Variants in CDK5RAP2 observed in about 807,000 individuals in gnomAD.
CDK5RAP2 encodes the protein CDK5 regulatory subunit-associated protein 2.
Under a neutral mutation model 232.9 loss-of-function variants are expected in CDK5RAP2, and 147 were observed. The observed-to-expected ratio is 0.63, with a 90% CI of 0.55 to 0.72. CDK5RAP2 has a LOEUF of 0.72. Ranked by LOEUF, CDK5RAP2 falls within the 30% of genes least tolerant of loss-of-function variation. CDK5RAP2 has a pLI of 0.00. For synonymous variants in CDK5RAP2, 833 were observed against 833.7 expected (o/e 1.00, Z 0.01); for missense variants, 2,195 against 2,231.5 (o/e 0.98, Z 0.33).
chr9:120,472,999 G>C (rs1429132241), intron 15 of CDK5RAP2, among the ~76,000 whole-genome samples: 1 of 152,222 alleles, frequency 6.6e-6, no homozygotes, highest in Non-Finnish European at 1.5e-5. Context: ...CGTAAGAACA[G>C]CTTTGGACTC....
intron 21 of CDK5RAP2, 75 bp downstream of exon 21, chr9:120,453,381 G>A: frequency 7.4e-7 from 1 of 1,352,028 alleles, no homozygotes; most frequent in Non-Finnish European, 1.0e-6. Context: ...GAAAAAAGTG[G>A]TGAGATTAAA....
chr9:120,551,996 G>GA (rs1205091167), intron 3 of CDK5RAP2, among the ~76,000 whole-genome samples: 5 of 151,514 alleles, frequency 3.3e-5, no homozygotes, highest in African/African-American at 9.7e-5. Flanking sequence ...AAATTTACAA[G>GA]AAAAAAACAA....
chr9:120,400,814 G>A lies in CDK5RAP2; in HGVS notation c.5379C>T (p.Ala1793=), dbSNP rs2032940570. 1 of 1,614,208 alleles carries A rather than the reference G, an allele frequency of 6.2e-7. No homozygotes were observed. Among genetic ancestry groups the A allele is most frequent in the Non-Finnish European group, 8.5e-7 (1 of 1,180,034 alleles). Reference sequence around the variant, plus strand: ...TCCAGAGAAGCTTCAGCCGCCTGTAGGCCTCTTCCAGGGTCAGCTTGGCCG... The same window carrying A: ...TCCAGAGAAGCTTCAGCCGCCTGTAAGCCTCTTCCAGGGTCAGCTTGGCCG... ...VSTAKLTLEE[A]YRRLKLLWRV... is the part of the protein sequence containing the mutation. The change falls in exon 35 of 38, where the codon GCC becomes GCT. Residue 1793 remains alanine (A), a synonymous_variant. Transcript: ENST00000349780.
Position 120,471,804 on chromosome 9 carries a change from T to G in CDK5RAP2, c.1802A>C (p.Tyr601Ser), listed in dbSNP as rs1273648025. 4 of 1,613,890 alleles carry G rather than the reference T, an allele frequency of 2.5e-6. No individual in the cohort carries two copies. Among genetic ancestry groups the G allele is most frequent in the Non-Finnish European group, 3.4e-6 (4 of 1,179,730 alleles). Residue 601 changes from tyrosine (Y) to serine (S), a missense_variant, in exon 16 of 38, where the codon TAT becomes TCT. Tyr to Ser is a moderately radical substitution (Grantham distance 144). Transcript: ENST00000349780. ...CTCCAAGGTCTTCCGCAAATTCTGA[T>G]ATGAAAGCACATCCTGCTCCAGTTG... ...RKQLEQDVLS[Y>S]QNLRKTLEEQ... is the part of the protein sequence containing the mutation.
intron 32 of CDK5RAP2, chr9:120,406,217 T>C (rs1183900207): frequency 2.0e-4 from 30 of 152,228 alleles, no homozygotes; most frequent in Admixed American, 1.9e-3. Flanking sequence ...TAAAGCAGGC[T>C]GGCATTCCTC....
At chr9:120,489,752 C>G (rs779462585) in intron 13 of CDK5RAP2, among the ~76,000 whole-genome samples, 1 of 150,964 alleles carries the variant, frequency 6.6e-6, no homozygotes, top group Non-Finnish European at 1.5e-5. Flanking sequence ...CTCCTCCTTG[C>G]ATGTTTCTAT....
intron 35 of CDK5RAP2, among the ~76,000 whole-genome samples, chr9:120,395,845 C>T (rs1472061271): frequency 6.6e-6 from 1 of 152,178 alleles, no homozygotes; most frequent in African/African-American, 2.4e-5. Flanking sequence ...ACATTTCTGG[C>T]AAATTAGGTG....
At chr9:120,510,284 C>T (rs1025542810) in intron 12 of CDK5RAP2, among the ~76,000 whole-genome samples, 1 of 152,146 alleles carries the variant, frequency 6.6e-6, no homozygotes, top group Non-Finnish European at 1.5e-5. Flanking sequence ...TGGGCTTTAG[C>T]CAGCAAATGC....
intron 24 of CDK5RAP2, among the ~76,000 whole-genome samples, chr9:120,437,905 G>A (rs1198070399): frequency 1.3e-5 from 2 of 152,222 alleles, no homozygotes; most frequent in African/African-American, 2.4e-5. Context: ...TAAAGAAAGT[G>A]TACCACAAAG....
intron 27 of CDK5RAP2, among the ~76,000 whole-genome samples, chr9:120,419,165 G>A (rs192924225): frequency 6.6e-6 from 1 of 152,170 alleles, no homozygotes; most frequent in African/African-American, 2.4e-5. Context: ...CTGCAACCTG[G>A]AAGAAGGCCC....
rs2038667956 is a variant in CDK5RAP2, at chr9:120,487,356, C to G, written c.1564G>C (p.Gly522Arg). The G allele has an allele frequency of 6.2e-7, 1 of 1,613,854 alleles. No homozygotes were observed. Among genetic ancestry groups the G allele is most frequent in the Non-Finnish European group, 8.5e-7 (1 of 1,179,974 alleles). Residue 522 changes from glycine to arginine, a missense_variant, in exon 14 of 38, where the codon GGC (glycine) becomes CGC (arginine). Transcript: ENST00000349780. ...AAEDLELRSE[G>R]LITEKCSSQQ... ...GAAGAGCACTTTTCTGTTATTAAGCCTTCACTCCTGAGCTCAAGATCCTCT... is the reference window on the plus strand; with the variant it reads ...GAAGAGCACTTTTCTGTTATTAAGCGTTCACTCCTGAGCTCAAGATCCTCT...
chr9:120,507,812 G>C (rs1425389981), intron 12 of CDK5RAP2, among the ~76,000 whole-genome samples: 1 of 148,838 alleles, frequency 6.7e-6, no homozygotes, highest in Non-Finnish European at 1.5e-5. Context: ...TACACTAATG[G>C]GCAATTTTCC....
chr9:120,451,455 T>C (rs192079467), intron 21 of CDK5RAP2, among the ~76,000 whole-genome samples: 2 of 152,322 alleles, frequency 1.3e-5, no homozygotes, highest in East Asian at 3.9e-4. Flanking sequence ...ACTAAACAAC[T>C]GTAAGGATAT....
At chr9:120,461,924 C>T (rs1350831068) in intron 18 of CDK5RAP2, among the ~76,000 whole-genome samples, 1 of 152,210 alleles carries the variant, frequency 6.6e-6, no homozygotes, top group African/African-American at 2.4e-5. Flanking sequence ...GCATGTTGTA[C>T]GTGTGAGATA....
Position 120,447,885 on chromosome 9 carries a change from T to G in CDK5RAP2, c.3025+10A>C. 1.3e-6 allele frequency: 2 copies of G among 1,598,510 alleles called. No homozygotes were observed. Among genetic ancestry groups the G allele is most frequent in the Non-Finnish European group, 1.7e-6 (2 of 1,165,766 alleles). On this transcript the variant is annotated intron_variant, in intron 22 of 37. Coordinates refer to ENST00000349780, the MANE Select transcript of CDK5RAP2 (RefSeq NM_018249.6). ...TAGCTCACAGGGAATACATTTTTCT[T>G]GGTGCTTACCATTCAGCAACGTTTT...
At position 120,439,959 on chromosome 9, in the gene CDK5RAP2, G is replaced by A; in HGVS notation, c.3162C>T (p.Cys1054=). 2.5e-6 allele frequency: 4 copies of A among 1,613,556 alleles called. No individual in the cohort carries two copies. The African/African-American group carries it at 5.3e-5, about 22-fold the overall frequency. The change falls in exon 24 of 38, where the codon TGC becomes TGT. Residue 1054 remains cysteine, a synonymous_variant. Coordinates refer to ENST00000349780, the MANE Select transcript of CDK5RAP2 (RefSeq NM_018249.6). ...GCAAGCTGGCAAGGTCATCAGGTGG[G>A]CAAATCTCAGAGTCTGAAAATCAAA... The part of the protein sequence containing the change: ...QRSYEIDSEI[C]PPDDLASLPS...
intron 12 of CDK5RAP2, among the ~76,000 whole-genome samples, chr9:120,513,344 T>C (rs984105108): frequency 2.6e-5 from 4 of 152,200 alleles, no homozygotes; most frequent in African/African-American, 9.7e-5. Context: ...CTGACTGGCA[T>C]AGCCAACCCT....
At chr9:120,576,131 T>G (rs1343963900) in intron 1 of CDK5RAP2, among the ~76,000 whole-genome samples, 1 of 152,238 alleles carries the variant, frequency 6.6e-6, no homozygotes, top group Admixed American at 6.5e-5. Flanking sequence ...AAAGGATGTG[T>G]ATTTACCCAA....
chr9:120,506,626 T>C (rs2039827169), intron 12 of CDK5RAP2, among the ~76,000 whole-genome samples: 1 of 152,214 alleles, frequency 6.6e-6, no homozygotes, highest in East Asian at 1.9e-4. Context: ...TACAGGAGTT[T>C]GGAAGAATTT....
Sources: gnomAD v4.1 joint callset for allele counts (sites outside exome capture counted in the v4.1 genomes callset) on GRCh38, gnomAD v4.1.1 for gene constraint, MANE v1.5 for transcripts, NCBI Gene and HGNC (gene_info 2026-07-23, HGNC 2026-07-21) for gene names.